Variants in LAMB4 observed in about 807,000 individuals in gnomAD.
LAMB4 encodes laminin subunit beta 4, also known as laminin subunit beta-4.
In LAMB4, 196 loss-of-function variants were observed where a neutral mutation model predicts 199.2. The ratio of observed to expected loss-of-function variants is 0.98; its 90% CI spans 0.88 to 1.11. The LOEUF is 1.11. LAMB4 is among the 50% of genes least tolerant of loss of function. The pLI, the probability that LAMB4 is intolerant of heterozygous loss-of-function variation, is 0.00. For synonymous variants in LAMB4, 744 were observed against 770.6 expected (o/e 0.97, Z 0.57); for missense variants, 2,080 against 2,171.2 (o/e 0.96, Z 0.83).
chr7:108,057,989 TTAATAGGAAA>T (rs1372764539), intron 23 of LAMB4, 61 bp from the exon 24 acceptor site: 1 of 1,139,920 alleles, frequency 8.8e-7, no homozygotes. Context: ...AAAATGCATT[TTAATAGGAAA>T]TATTTTCCCC....
In LAMB4 at chr7:108,098,413, C is replaced by T. The variant is rs146045150; in HGVS notation, c.1350G>A (p.Leu450=). Residue 450 remains leucine (L), a synonymous_variant, in exon 11 of 34, where the codon CTG becomes CTA. Coordinates refer to ENST00000388781, the MANE Select transcript of LAMB4 (RefSeq NM_007356.3). The stretch of plus-strand genomic sequence containing the variant: ...CGATTATGGACTTACGCTGGCAGCC[C>T]AGGGGGTCGGTGGCGCTTAGTCCGT... ...NHYGLSATDP[L]GCQPCDCNPL... The T allele has an allele frequency of 1.3e-4, 202 of 1,604,456 alleles. 2 individuals are homozygous for T. The African/African-American group carries it at 2.4e-3, about 19-fold the overall frequency.
the LAMB4 span, among the ~76,000 whole-genome samples, chr7:108,016,175 C>T: frequency 6.6e-6 from 1 of 151,564 alleles, no homozygotes; most frequent in Non-Finnish European, 1.5e-5. Context: ...CTTGCCATTT[C>T]TTCCAACTAA....
intron 19 of LAMB4, 45 bp downstream of exon 19, chr7:108,067,971 C>A (rs2036399330): frequency 1.2e-6 from 2 of 1,612,896 alleles, no homozygotes; most frequent in Non-Finnish European, 1.7e-6. Flanking sequence ...GTCAAAATGT[C>A]AAGACTGTGA....
At chr7:108,011,756 T>G in the LAMB4 span, among the ~76,000 whole-genome samples, 2 of 152,108 alleles carry the variant, frequency 1.3e-5, no homozygotes, top group Non-Finnish European at 2.9e-5. Context: ...TGAGACCTAT[T>G]ATGGGCCAAG....
Position 108,037,502 on chromosome 7 carries a change from A to G in LAMB4, c.4565T>C (p.Leu1522Pro). ...TTGCATATGTTTCTGTATTTTGACA[A>G]GTTCATCGGTTAGATTTTGGGATGG... ...PIPSQNLTDE[L>P]VKIQKHMQLC... The change falls in exon 30 of 34, where the codon CTT becomes CCT. Residue 1522 changes from leucine (L) to proline (P), a missense_variant. By Grantham distance (98) the Leu-to-Pro change is moderately conservative (BLOSUM62 -3). Transcript: ENST00000388781. The G allele has an allele frequency of 1.5e-5, 25 of 1,614,106 alleles. No individual in the cohort carries two copies. Among genetic ancestry groups the G allele is most frequent in the Non-Finnish European group, 2.0e-5 (24 of 1,179,998 alleles).
chr7:108,031,340 A>G (rs1408404941), intron 31 of LAMB4, among the ~76,000 whole-genome samples: 16 of 134,412 alleles, frequency 1.2e-4, no homozygotes, highest in African/African-American at 2.2e-4. Flanking sequence ...ACAAAAAAAA[A>G]AAAAAAAGAA....
intron 30 of LAMB4, among the ~76,000 whole-genome samples, chr7:108,034,956 T>C (rs2035170358): frequency 6.6e-6 from 1 of 152,232 alleles, no homozygotes; most frequent in African/African-American, 2.4e-5. Flanking sequence ...GAGAAGAATG[T>C]ACCGAGGGAG....
chr7:108,071,195 GC>G (rs2036522395), intron 17 of LAMB4, among the ~76,000 whole-genome samples: 1 of 151,916 alleles, frequency 6.6e-6, no homozygotes, highest in Non-Finnish European at 1.5e-5. Flanking sequence ...CCCTGTCTCT[GC>G]CCTTTGACTC....
chr7:108,081,549 G>T (rs899366263), intron 14 of LAMB4, among the ~76,000 whole-genome samples: 2 of 152,106 alleles, frequency 1.3e-5, no homozygotes, highest in Non-Finnish European at 2.9e-5. Flanking sequence ...CCCATCTTAG[G>T]CTCTCCTAGG....
At chr7:108,109,052 C>A in intron 5 of LAMB4, 119 bp downstream of exon 5, 1 of 724,302 alleles carries the variant, frequency 1.4e-6, no homozygotes, top group Non-Finnish European at 2.4e-6. Flanking sequence ...TGGCAAAGGT[C>A]AAGTCTGAAC....
In LAMB4 at chr7:108,068,144, G is replaced by T. The variant is rs901401975; in HGVS notation, c.2318C>A (p.Pro773His). 1 of 1,614,128 alleles carries T rather than the reference G, an allele frequency of 6.2e-7. No individual in the cohort carries two copies. Among genetic ancestry groups the T allele is most frequent in the Non-Finnish European group, 8.5e-7 (1 of 1,180,008 alleles). ...GCAGCTGGATCCGACTGAGCCCTGG[G>T]GGTGACACTTGCAGGCTGCAAGGAA... Reference protein sequence around the residue: ...HDGAVACKCHPQGSVGSSCSR... With the variant: ...HDGAVACKCHHQGSVGSSCSR... Residue 773 changes from proline to histidine, a missense_variant, in exon 19 of 34, where the codon CCC becomes CAC. Physicochemically the swap from Pro to His is moderately conservative, Grantham distance 77. Transcript: ENST00000388781.
intron 12 of LAMB4, among the ~76,000 whole-genome samples, chr7:108,092,888 A>C (rs1036297444): frequency 6.6e-6 from 1 of 152,130 alleles, no homozygotes; most frequent in Non-Finnish European, 1.5e-5. Context: ...TGGATGACAG[A>C]GTGACACTCC....
intron 1 of LAMB4, among the ~76,000 whole-genome samples, chr7:108,128,811 G>A (rs1228363236): frequency 6.6e-6 from 1 of 152,190 alleles, no homozygotes; most frequent in Non-Finnish European, 1.5e-5. Context: ...CCTCTCAGGG[G>A]CTACATGGCA....
chr7:108,123,050 G>A, intron 2 of LAMB4, 81 bp downstream of exon 2: 1 of 1,246,140 alleles, frequency 8.0e-7, no homozygotes, highest in Non-Finnish European at 1.1e-6. Flanking sequence ...GAAGACAGAA[G>A]TGAATATGTT....
At chr7:108,030,713 G>T (rs2034996107) in intron 32 of LAMB4, 93 bp downstream of exon 32, 1 of 1,172,884 alleles carries the variant, frequency 8.5e-7, no homozygotes. Context: ...CAAAGGAAAT[G>T]ATGAGAAATG....
intron 30 of LAMB4, among the ~76,000 whole-genome samples, chr7:108,036,467 C>T (rs773095424): frequency 3.3e-5 from 5 of 152,146 alleles, no homozygotes; most frequent in South Asian, 2.1e-4. Context: ...GGATTACAGG[C>T]GTGAGCCACC....
intron 3 of LAMB4, among the ~76,000 whole-genome samples, chr7:108,115,743 T>C (rs1475075213): frequency 6.6e-6 from 1 of 152,224 alleles, no homozygotes; most frequent in African/African-American, 2.4e-5. Flanking sequence ...TTATTTAAAG[T>C]ACATGGGAGG....
At chr7:108,019,442 A>T (rs2034645162), downstream of LAMB4, among the ~76,000 whole-genome samples, 1 of 152,028 alleles carries the variant, frequency 6.6e-6, no homozygotes, top group Non-Finnish European at 1.5e-5. Context: ...GTTGATGAAG[A>T]CCTTCATTCT....
At chr7:108,121,403 G>C (rs546365207) in intron 2 of LAMB4, among the ~76,000 whole-genome samples, 1 of 152,280 alleles carries the variant, frequency 6.6e-6, no homozygotes, top group South Asian at 2.1e-4. Context: ...GAGCTTTAGA[G>C]GATGTAAACA....
Sources: gnomAD v4.1 joint callset for allele counts (sites outside exome capture counted in the v4.1 genomes callset) on GRCh38, gnomAD v4.1.1 for gene constraint, MANE v1.5 for transcripts, NCBI Gene and HGNC (gene_info 2026-07-23, HGNC 2026-07-21) for gene names.